The following APEH variants were observed in gnomAD, a reference collection of about 807,000 sequenced individuals.
The protein encoded by APEH is acylamino-acid-releasing enzyme.
APEH carries 75 observed loss-of-function variants against 102.7 expected under a neutral mutation model. The ratio of observed to expected loss-of-function variants is 0.73; its 90% CI spans 0.61 to 0.89. The LOEUF is 0.89. Among genes scored for constraint, APEH ranks in the 40% least tolerant of loss-of-function variants. The pLI is 0.00. For missense variants in APEH, 863 were observed against 941.2 expected (o/e 0.92, Z 1.09); for synonymous variants, 344 against 362.7 (o/e 0.95, Z 0.59).
rs556344332 is a variant in APEH, at chr3:49,675,100, G to A, written c.146-83G>A. On this transcript the variant is annotated intron_variant, in intron 2 of 21. Coordinates refer to ENST00000296456, the MANE Select transcript of APEH (RefSeq NM_001640.4). Reference sequence around the variant, plus strand: ...TGAGAGATTGGGGAAGATAGATCTAGGCCTTCCTGGGTCAGGTGGGGCTGG... The same window carrying A: ...TGAGAGATTGGGGAAGATAGATCTAAGCCTTCCTGGGTCAGGTGGGGCTGG... 3.8e-6 allele frequency: 6 copies of A among 1,571,088 alleles called. No individual in the cohort carries two copies. The South Asian group carries it at 6.8e-5, about 18-fold the overall frequency.
At chr3:49,677,051 GGGTGGTCAGCAAGAAGATGGGAT>G in intron 10 of APEH, 27 bp downstream of exon 10, 1 of 1,613,656 alleles carries the variant, frequency 6.2e-7, no homozygotes. Context: ...AGGGATGGGA[GGGTGGTCAGCAAGAAGATGGGAT>G]GGTGGATGAG....
chr3:49,678,878 C>CTTCTGCCTT lies in APEH; in HGVS notation c.1089_1097dup (p.Pro365_Leu366insPheLeuPro). 6.2e-7 allele frequency: 1 copy of CTTCTGCCTT among 1,613,912 alleles called. No individual in the cohort carries two copies. Among genetic ancestry groups the CTTCTGCCTT allele is most frequent in the Non-Finnish European group, 8.5e-7 (1 of 1,179,904 alleles). On this transcript the variant is annotated inframe_insertion, in exon 12 of 22. Transcript: ENST00000296456. Reference sequence around the variant, plus strand: ...GAACTTCTCTGGGATCTACTGCAGCCTTCTGCCTTTGGGATGCTGGTCAGC... The same window carrying CTTCTGCCTT: ...GAACTTCTCTGGGATCTACTGCAGCCTTCTGCCTTTTCTGCCTTTGGGATGCTGGTCAGC...
Position 49,681,755 on chromosome 3 carries a change from C to T in APEH, c.1472C>T (p.Pro491Leu). Reference sequence around the variant, plus strand: ...GACTTTGAAGCAATCCTGCTGCAGCCTGGCAGCCCTCCAGATAAGACCCAA... The same window carrying T: ...GACTTTGAAGCAATCCTGCTGCAGCTTGGCAGCCCTCCAGATAAGACCCAA... ...GLDFEAILLQ[P>L]GSPPDKTQVP... The change falls in exon 16 of 22, where the codon CCT (proline) becomes CTT (leucine). Residue 491 changes from proline to leucine, a missense_variant. By Grantham distance (98) the Pro-to-Leu change is moderately conservative. Coordinates refer to ENST00000296456, the MANE Select transcript of APEH (RefSeq NM_001640.4). 6.2e-7 allele frequency: 1 copy of T among 1,605,872 alleles called. No homozygotes were observed. Among genetic ancestry groups the T allele is most frequent in the Non-Finnish European group, 8.5e-7 (1 of 1,175,098 alleles).
Position 49,675,306 on chromosome 3 carries a change from G to C in APEH, c.269G>C (p.Gly90Ala). The change falls in exon 3 of 22, where the codon GGG (glycine) becomes GCG (alanine). Residue 90 changes from glycine (G) to alanine (A), a missense_variant. By Grantham distance (60) the Gly-to-Ala change is moderately conservative. Coordinates refer to ENST00000296456, the MANE Select transcript of APEH (RefSeq NM_001640.4). ...GCAGGCAACAGTGTGGAGACCCGGG[G>C]GGAGTAAGTTTGAGGGAGGAAGCTT... is the stretch of plus-strand genomic sequence containing the variant. ...GPAGNSVETR[G>A]ELLSRESPSG... 6.2e-7 allele frequency: 1 copy of C among 1,613,732 alleles called. No individual in the cohort carries two copies. The highest frequency in any genetic ancestry group is 1.1e-5 in the South Asian group (1 of 91,028).
rs1199763686 is a variant in APEH at position 49,674,641 on chromosome 3, C to A, written c.145+20C>A. On this transcript the variant is annotated intron_variant, in intron 2 of 21. Transcript: ENST00000296456. ...ACACTGGTGTGTGTGCGAAGGGGAA[C>A]TGGCTGGCGACGGGGTCGCGCACTG... 1.3e-6 allele frequency: 2 copies of A among 1,586,060 alleles called. No individual in the cohort carries two copies. Among genetic ancestry groups the A allele is most frequent in the Middle Eastern group, 1.7e-4 (1 of 5,776 alleles).
At position 49,674,372 on chromosome 3, in the gene APEH, C is replaced by A. The variant is rs762721215; in HGVS notation, c.-30C>A. The A allele has an allele frequency of 6.4e-7, 1 of 1,558,426 alleles. No homozygotes were observed. The highest frequency in any genetic ancestry group is 2.4e-5 in the East Asian group (1 of 42,342). ...CCTCACTTCCGGGCGCGAGCACGCC[C>A]CGCCTCGCCCCGGCGGCAGAGAGGA... On this transcript the variant is annotated 5_prime_UTR_variant, in exon 1 of 22. Coordinates refer to ENST00000296456, the MANE Select transcript of APEH (RefSeq NM_001640.4).
chr3:49,677,435 GA>G, intron 10 of APEH, 137 bp from the exon 11 acceptor site: 1 of 823,708 alleles, frequency 1.2e-6, no homozygotes, highest in Non-Finnish European at 2.0e-6. Flanking sequence ...CAGGTCACCA[GA>G]AAAGAGATAC....
Position 49,683,460 on chromosome 3 carries a change from C to A in APEH, c.*118C>A. 2.4e-6 allele frequency: 2 copies of A among 842,396 alleles called. No homozygotes were observed. Among genetic ancestry groups the A allele is most frequent in the Non-Finnish European group, 4.0e-6 (2 of 505,890 alleles). 52.2% of individuals were successfully genotyped at this position (842,396 alleles called of 1,614,324 possible). On this transcript the variant is annotated 3_prime_UTR_variant, in exon 22 of 22. Coordinates refer to ENST00000296456, the MANE Select transcript of APEH (RefSeq NM_001640.4). ...GCTCTGGACTCCACGGATGCGTGGGCAGAGGAATGTGGGCTATGTAGTCAT... is the reference window on the plus strand; with the variant it reads ...GCTCTGGACTCCACGGATGCGTGGGAAGAGGAATGTGGGCTATGTAGTCAT...
intron 3 of APEH, 109 bp downstream of exon 3, chr3:49,675,418 G>T: frequency 2.0e-6 from 3 of 1,467,884 alleles, no homozygotes; most frequent in Non-Finnish European, 2.8e-6. Flanking sequence ...CCAGGTTCTT[G>T]CCCCCTTGGG....
rs751841996 is a variant in APEH, at chr3:49,674,468, C to T, written c.13-21C>T. The T allele has an allele frequency of 2.5e-6, 4 of 1,569,094 alleles. No individual in the cohort carries two copies. In the African/African-American group the frequency reaches 4.0e-5, roughly 16 times the overall value. ...CCCTGCAGCCCGGGCCGGGCCTGAC[C>T]CTGGTGTGTCCCCTGCGCAGGTGCT... On this transcript the variant is annotated intron_variant, in intron 1 of 21. Coordinates refer to ENST00000296456, the MANE Select transcript of APEH (RefSeq NM_001640.4).
chr3:49,674,534 C>G lies in APEH; in HGVS notation c.58C>G (p.Leu20Val), dbSNP rs370812363. 1.3e-6 allele frequency: 2 copies of G among 1,566,500 alleles called. No homozygotes were observed. The highest frequency in any genetic ancestry group is 1.7e-6 in the Non-Finnish European group (2 of 1,164,752). ...GGAGGCGGCGGCTCTGTATCGGGGC[C>G]TTAGCCGCCAGCCCGCGCTGAGCGC... ...PEEAAALYRG[L>V]SRQPALSAAC... Residue 20 changes from leucine to valine, a missense_variant, in exon 2 of 22, where the codon CTT (leucine) becomes GTT (valine). Physicochemically the swap from Leu to Val is conservative, Grantham distance 32. Transcript: ENST00000296456.
Position 49,678,936 on chromosome 3 carries a change from A to T in APEH, c.1145A>T (p.Gln382Leu). The T allele has an allele frequency of 6.2e-7, 1 of 1,613,576 alleles. No homozygotes were observed. The highest frequency in any genetic ancestry group is 1.1e-5 in the South Asian group (1 of 91,072). Residue 382 changes from glutamine to leucine, a missense_variant, in exon 12 of 22, where the codon CAG (glutamine) becomes CTG (leucine). Gln to Leu is a moderately radical substitution (Grantham distance 113). Transcript: ENST00000296456. ...CAGAGAGTGGTCTTTGACTCGGCTCAGCGCAGCCGGCAGGTGAGGGACGCT... is the reference window on the plus strand; with the variant it reads ...CAGAGAGTGGTCTTTGACTCGGCTCTGCGCAGCCGGCAGGTGAGGGACGCT... ...DSQRVVFDSA[Q>L]RSRQDLFAVD...
At position 49,677,616 on chromosome 3, in the gene APEH, T is replaced by C. The variant is rs763520485; in HGVS notation, c.1043T>C (p.Val348Ala). The part of the protein sequence containing the change: ...TKVTSVVVDV[V>A]PRQLGENFSG... ...GTTACCTCAGTGGTGGTAGATGTTG[T>C]GCCTCGGCAGCTGGGAGGTAAGGCA... Residue 348 changes from valine to alanine, a missense_variant, in exon 11 of 22, where the codon GTG (valine) becomes GCG (alanine). Coordinates refer to ENST00000296456, the MANE Select transcript of APEH (RefSeq NM_001640.4). 2 of 1,613,926 alleles carry C rather than the reference T, an allele frequency of 1.2e-6. No homozygotes were observed. Among genetic ancestry groups the C allele is most frequent in the Admixed American group, 1.7e-5 (1 of 60,018 alleles).
At position 49,683,891 on chromosome 3, in the gene APEH, G is replaced by A. The variant is rs1575487359; in HGVS notation, c.*549G>A. The stretch of plus-strand genomic sequence containing the variant: ...GGTGTGCTGGGCTCAAGCCACCCGA[G>A]CCCTAGCAAGGAGTCACTGACACAT... On this transcript the variant is annotated 3_prime_UTR_variant, in exon 22 of 22. Transcript: ENST00000296456. 7.4e-7 allele frequency: 1 copy of A among 1,357,952 alleles called. No homozygotes were observed. Among genetic ancestry groups the A allele is most frequent in the Non-Finnish European group, 1.0e-6 (1 of 1,000,510 alleles). 84.1% of individuals were successfully genotyped at this position (1,357,952 alleles called of 1,614,324 possible).
Position 49,683,246 on chromosome 3 carries a change from C to G in APEH, c.2103C>G (p.Leu701=), listed in dbSNP as rs141756601. 4 of 1,613,734 alleles carry G rather than the reference C, an allele frequency of 2.5e-6. No individual in the cohort carries two copies. Among genetic ancestry groups the G allele is most frequent in the Non-Finnish European group, 3.4e-6 (4 of 1,179,780 alleles). ...TGACTAATCCCTACAGGCTCCTGCT[C>G]TATCCCAAAAGCACCCACGCATTAT... is the stretch of plus-strand genomic sequence containing the variant. ...KTRNVPVRLL[L]YPKSTHALSE... The change falls in exon 22 of 22, where the codon CTC becomes CTG. Residue 701 remains leucine, a synonymous_variant. Transcript: ENST00000296456.
rs377083505 is a variant in APEH, at chr3:49,683,209, C to A, written c.2094-28C>A. 54 of 1,610,276 alleles carry A rather than the reference C, an allele frequency of 3.4e-5. No homozygotes were observed. The African/African-American group carries it at 4.3e-4, about 13-fold the overall frequency. ...GGTGAGCACAGGAGGACCCTCCAAC[C>A]TTAAATGTTGCTGACTAATCCCTAC... On this transcript the variant is annotated intron_variant, in intron 21 of 21. Coordinates refer to ENST00000296456, the MANE Select transcript of APEH (RefSeq NM_001640.4).
intron 11 of APEH, 30 bp downstream of exon 11, chr3:49,677,663 T>G (rs1399929760): frequency 1.3e-6 from 2 of 1,587,606 alleles, no homozygotes; most frequent in Non-Finnish European, 1.7e-6. Context: ...GTGGGTGCAG[T>G]GGGGCCTGTA....
At position 49,676,096 on chromosome 3, in the gene APEH, CTTG is replaced by C. The variant is rs1414281601; in HGVS notation, c.488_490del (p.Leu163del). On this transcript the variant is annotated inframe_deletion, in exon 6 of 22. Transcript: ENST00000296456. Reference sequence around the variant, plus strand: ...TGTCCTGGTCGCACTCGGAGACACACTTGTTGTATGTGGCAGAGAAGAAGCGCC... The same window carrying C: ...TGTCCTGGTCGCACTCGGAGACACACTTGTATGTGGCAGAGAAGAAGCGCC... 6.8e-6 allele frequency: 11 copies of C among 1,614,110 alleles called. No homozygotes were observed. The highest frequency in any genetic ancestry group is 5.3e-5 in the African/African-American group (4 of 74,950).
chr3:49,676,466 G>T lies in APEH; in HGVS notation c.695G>T (p.Gly232Val). ...PVLCVLDVESGNISVLEGVPE... is the reference protein window; with the variant it reads ...PVLCVLDVESVNISVLEGVPE... ...CTCTGCGTGCTGGATGTCGAGAGTG[G>T]CAACATCTCTGTGCTTGAGGGGGTC... The change falls in exon 7 of 22, where the codon GGC becomes GTC. Residue 232 changes from glycine (G) to valine (V), a missense_variant. Transcript: ENST00000296456. 6.2e-7 allele frequency: 1 copy of T among 1,614,248 alleles called. No homozygotes were observed. Among genetic ancestry groups the T allele is most frequent in the South Asian group, 1.1e-5 (1 of 91,090 alleles).
Sources: allele counts gnomAD v4.1 joint callset, GRCh38; gene constraint gnomAD v4.1.1; transcripts MANE v1.5; gene names NCBI Gene and HGNC (gene_info 2026-07-23, HGNC 2026-07-21).